NRCAM: variants seen among roughly 807,000 people sequenced by gnomAD.
NRCAM encodes NgCAM-related cell adhesion molecule.
NRCAM carries 83 observed loss-of-function variants against 156.5 expected under a neutral mutation model. The ratio of observed to expected loss-of-function variants is 0.53; its 90% CI spans 0.44 to 0.64. The LOEUF is 0.64. Among genes scored for constraint, NRCAM ranks in the 30% least tolerant of loss-of-function variants. The pLI, the probability that NRCAM is intolerant of heterozygous loss-of-function variation, is 0.00. For missense variants in NRCAM, 1,417 were observed against 1,597.3 expected (o/e 0.89, Z 1.92); for synonymous variants, 538 against 563.9 (o/e 0.95, Z 0.65).
intron 2 of NRCAM, among the ~76,000 whole-genome samples, chr7:108,348,841 A>T (rs62469222): frequency 3.3e-5 from 5 of 149,818 alleles, no homozygotes; most frequent in East Asian, 4.0e-4. Context: ...AAGTGGAGGA[A>T]GCAGTGAGAC....
At chr7:108,427,586 GAATT>G (rs1333465623) in intron 1 of NRCAM, among the ~76,000 whole-genome samples, 2 of 152,094 alleles carry the variant, frequency 1.3e-5, no homozygotes, top group Admixed American at 6.6e-5. Flanking sequence ...TGAAGAAAAA[GAATT>G]TATTTATGAT....
chr7:108,191,374 C>A, intron 18 of NRCAM, 91 bp from the exon 19 acceptor site: 1 of 996,048 alleles, frequency 1.0e-6, no homozygotes, highest in Non-Finnish European at 1.5e-6. Context: ...GTACATTATT[C>A]AAGGTTATAA....
Position 108,327,806 on chromosome 7 carries a change from T to C in NRCAM, c.-173-15075A>G, listed in dbSNP as rs147434469. ...AACCTAAGGGAAACTCTCAAGTTAG[T>C]GCCGAGGGAATGACAGTAGATTCTG... On this transcript the variant is annotated intron_variant, in intron 2 of 32. Coordinates refer to ENST00000379028, the MANE Select transcript of NRCAM (RefSeq NM_001037132.4). 7.0e-3 allele frequency among the ~76,000 whole-genome samples: 1,070 copies of C among 152,314 alleles called. 9 individuals are homozygous for C. Among genetic ancestry groups the C allele is most frequent in the Admixed American group, 0.011 (164 of 15,302 alleles).
chr7:108,299,142 A>AAAGAAAG (rs1563164873), intron 3 of NRCAM, among the ~76,000 whole-genome samples: 3 of 78,632 alleles, frequency 3.8e-5, no homozygotes, highest in Non-Finnish European at 8.3e-5. Flanking sequence ...AAGAAAGAAA[A>AAAGAAAG]GAAAAGTAAA....
chr7:108,222,587 T>C (rs1270065739), intron 11 of NRCAM, among the ~76,000 whole-genome samples: 1 of 152,168 alleles, frequency 6.6e-6, no homozygotes, highest in African/African-American at 2.4e-5. Context: ...TATAGGGTTT[T>C]AACATATCTT....
chr7:108,176,659 T>C (rs1025076888), intron 26 of NRCAM, 53 bp from the exon 27 acceptor site: 18 of 1,333,318 alleles, frequency 1.4e-5, no homozygotes, highest in Admixed American at 2.1e-5. Flanking sequence ...GCTATAGGAA[T>C]ACTATTATAA....
Position 108,239,949 on chromosome 7 carries a change from T to C in NRCAM, c.106+10A>G, listed in dbSNP as rs774224506. The stretch of plus-strand genomic sequence containing the variant: ...CCTGGGCCTAACAGCTTTAAAACGT[T>C]AATACTTACGATCAAGAGGTACTTC... On this transcript the variant is annotated intron_variant, in intron 4 of 32. Coordinates refer to ENST00000379028, the MANE Select transcript of NRCAM (RefSeq NM_001037132.4). 22 of 1,582,302 alleles carry C rather than the reference T, an allele frequency of 1.4e-5. No homozygotes were observed. In the East Asian group the frequency reaches 4.5e-4, roughly 32 times the overall value.
chr7:108,345,799 T>C (rs1479774244), intron 2 of NRCAM, among the ~76,000 whole-genome samples: 1 of 152,232 alleles, frequency 6.6e-6, no homozygotes, highest in African/African-American at 2.4e-5. Flanking sequence ...ACCCAGTCAA[T>C]AGCACTTTGC....
At chr7:108,290,422 G>A (rs2098251698) in intron 3 of NRCAM, among the ~76,000 whole-genome samples, 1 of 152,004 alleles carries the variant, frequency 6.6e-6, no homozygotes, top group African/African-American at 2.4e-5. Context: ...CATTCAGATG[G>A]GAACAACACC....
At chr7:108,442,241 C>G (rs1306772447) in intron 1 of NRCAM, among the ~76,000 whole-genome samples, 1 of 152,090 alleles carries the variant, frequency 6.6e-6, no homozygotes, top group African/African-American at 2.4e-5. Context: ...CCCGGTGAGT[C>G]ACAGACAGCA....
chr7:108,362,537 C>A (rs2099563562), intron 2 of NRCAM, among the ~76,000 whole-genome samples: 1 of 152,166 alleles, frequency 6.6e-6, no homozygotes. Flanking sequence ...GTTGGCAAAG[C>A]TGTATCCTAT....
At chr7:108,298,025 G>C (rs565815777) in intron 3 of NRCAM, among the ~76,000 whole-genome samples, 1 of 152,280 alleles carries the variant, frequency 6.6e-6, no homozygotes, top group African/African-American at 2.4e-5. Context: ...ACCTGCAGCA[G>C]AGTCAGGACA....
chr7:108,328,606 G>A (rs1398207325), intron 2 of NRCAM: 2 of 152,168 alleles, frequency 1.3e-5, no homozygotes, highest in African/African-American at 4.8e-5. Context: ...AAGCTGCTCA[G>A]ACCTCCCAGG....
chr7:108,297,739 T>C (rs2098479162), intron 3 of NRCAM, among the ~76,000 whole-genome samples: 2 of 151,784 alleles, frequency 1.3e-5, no homozygotes, highest in Non-Finnish European at 2.9e-5. Flanking sequence ...AGAAAAAAAA[T>C]AAAACAAAGG....
At chr7:108,258,905 C>G (rs1039478479) in intron 3 of NRCAM, among the ~76,000 whole-genome samples, 4 of 152,228 alleles carry the variant, frequency 2.6e-5, no homozygotes, top group African/African-American at 7.2e-5. Flanking sequence ...GGAGACTCCA[C>G]TAAAATGTCA....
chr7:108,181,615 CTT>C (rs34899360), intron 24 of NRCAM, among the ~76,000 whole-genome samples: 1 of 148,432 alleles, frequency 6.7e-6, no homozygotes, highest in Non-Finnish European at 1.5e-5. Flanking sequence ...ATGGAGAAAA[CTT>C]TTTTTTTTTT....
intron 2 of NRCAM, among the ~76,000 whole-genome samples, chr7:108,359,121 C>T (rs2099530537): frequency 6.6e-6 from 1 of 152,132 alleles, no homozygotes; most frequent in Admixed American, 6.6e-5. Flanking sequence ...TACCAATATT[C>T]CCTCCCCATT....
At chr7:108,193,772 T>C (rs773420496) in intron 17 of NRCAM, among the ~76,000 whole-genome samples, 1 of 152,182 alleles carries the variant, frequency 6.6e-6, no homozygotes, top group Admixed American at 6.5e-5. Flanking sequence ...GAGGGTTTTT[T>C]CCCATCCTGA....
chr7:108,453,701 A>G (rs1853192105), intron 1 of NRCAM, among the ~76,000 whole-genome samples: 1 of 152,242 alleles, frequency 6.6e-6, no homozygotes, highest in Non-Finnish European at 1.5e-5. Flanking sequence ...AAACAAGACT[A>G]TGAGTCAGTA....
Sources: gnomAD v4.1 joint callset for allele counts (sites outside exome capture counted in the v4.1 genomes callset) on GRCh38, gnomAD v4.1.1 for gene constraint, MANE v1.5 for transcripts, NCBI Gene and HGNC (gene_info 2026-07-23, HGNC 2026-07-21) for gene names.